The following GABRG3 variants were observed in gnomAD, a reference collection of about 807,000 sequenced individuals.
GABRG3 encodes gamma-aminobutyric acid type A receptor subunit gamma3.
A neutral mutation model predicts 48.8 loss-of-function variants in GABRG3; 25 were observed. The observed-to-expected ratio is 0.51, with a 90% CI of 0.37 to 0.72. The LOEUF (loss-of-function observed/expected upper bound fraction) is 0.72, where lower values mean the gene tolerates loss of function less well. Among genes scored for constraint, GABRG3 ranks in the 30% least tolerant of loss-of-function variants. GABRG3 has a pLI of 0.00. For synonymous variants in GABRG3, 227 were observed against 217.6 expected (o/e 1.04, Z -0.38); for missense variants, 394 against 577.9 (o/e 0.68, Z 3.26).
In GABRG3 at chr15:27,536,133, C is replaced by T. The variant is rs917839542; in HGVS notation, c.*3252C>T. 1.3e-5 allele frequency: 2 copies of T among 152,204 alleles called. No individual in the cohort carries two copies. The highest frequency in any genetic ancestry group is 4.8e-5 in the African/African-American group (2 of 41,462). 9.4% of individuals were successfully genotyped at this position (152,204 alleles called of 1,614,324 possible). On this transcript the variant is annotated 3_prime_UTR_variant, in exon 10 of 10. Transcript: ENST00000615808. Reference sequence around the variant, plus strand: ...TGACCACTGTGGATCACACTTAAAACTGTGACTGTCTGTCTTTTAAGCTGC... The same window carrying T: ...TGACCACTGTGGATCACACTTAAAATTGTGACTGTCTGTCTTTTAAGCTGC...
intron 3 of GABRG3, among the ~76,000 whole-genome samples, chr15:27,048,543 G>T (rs1327443227): frequency 1.3e-5 from 2 of 152,144 alleles, no homozygotes; most frequent in Non-Finnish European, 2.9e-5. Flanking sequence ...GTCCCCCATG[G>T]TCTTATGAAG....
At chr15:27,063,967 A>G (rs1464970168) in intron 3 of GABRG3, among the ~76,000 whole-genome samples, 1 of 152,204 alleles carries the variant, frequency 6.6e-6, no homozygotes, top group African/African-American at 2.4e-5. Context: ...CACACAGTCC[A>G]TCCCTTACTG....
intron 3 of GABRG3, among the ~76,000 whole-genome samples, chr15:27,258,622 T>C (rs932725417): frequency 3.3e-5 from 5 of 152,166 alleles, no homozygotes; most frequent in South Asian, 2.1e-4. Context: ...CTAGTTGACA[T>C]GTAATTACTG....
At chr15:27,029,241 G>A (rs1225968600) in intron 3 of GABRG3, among the ~76,000 whole-genome samples, 1 of 152,192 alleles carries the variant, frequency 6.6e-6, no homozygotes, top group Non-Finnish European at 1.5e-5. Flanking sequence ...GGAAGCAGCT[G>A]GCACGCAGCC....
intron 2 of GABRG3, among the ~76,000 whole-genome samples, chr15:26,998,535 A>G (rs1895382911): frequency 6.6e-6 from 1 of 152,116 alleles, no homozygotes; most frequent in African/African-American, 2.4e-5. Context: ...TCAAGTAAAC[A>G]AGGTGAGAGC....
chr15:27,304,679 A>T (rs150515681), intron 3 of GABRG3, among the ~76,000 whole-genome samples: 47 of 152,084 alleles, frequency 3.1e-4, no homozygotes, highest in African/African-American at 1.0e-3. Context: ...TTTCTCTTAC[A>T]TGGGCCTCAG....
intron 3 of GABRG3, among the ~76,000 whole-genome samples, chr15:27,157,191 C>A (rs763385616): frequency 2.0e-5 from 3 of 152,112 alleles, no homozygotes; most frequent in Non-Finnish European, 2.9e-5. Context: ...AGATTGGGAA[C>A]TTATATTTGG....
At chr15:27,446,667 A>C (rs1291750174) in intron 5 of GABRG3, among the ~76,000 whole-genome samples, 1 of 151,836 alleles carries the variant, frequency 6.6e-6, no homozygotes, top group African/African-American at 2.4e-5. Flanking sequence ...TGTTTTCTTA[A>C]TTTTATTTTT....
chr15:27,409,241 T>G (rs1887727329), intron 5 of GABRG3, among the ~76,000 whole-genome samples: 1 of 152,220 alleles, frequency 6.6e-6, no homozygotes, highest in South Asian at 2.1e-4. Context: ...TAGTTTTATA[T>G]TTAAATCTAT....
chr15:27,498,530 C>G (rs554948181), intron 6 of GABRG3, among the ~76,000 whole-genome samples: 148 of 151,924 alleles, frequency 9.7e-4, no homozygotes, highest in African/African-American at 3.4e-3. Context: ...AAGTTCCATT[C>G]TGTCTCCCAG....
intron 3 of GABRG3, among the ~76,000 whole-genome samples, chr15:27,284,710 C>T (rs914489652): frequency 2.0e-5 from 3 of 152,168 alleles, no homozygotes; most frequent in African/African-American, 4.8e-5. Flanking sequence ...TAACTTATTA[C>T]TGGCCTATAA....
intron 6 of GABRG3, among the ~76,000 whole-genome samples, chr15:27,500,841 TA>T (rs56087210): frequency 0.029 from 4,303 of 148,526 alleles, 194 homozygotes; most frequent in African/African-American, 0.097. Flanking sequence ...TATTTGCTGT[TA>T]AAAAAAAAAA....
chr15:27,186,937 T>A (rs959024084), intron 3 of GABRG3, among the ~76,000 whole-genome samples: 1 of 152,178 alleles, frequency 6.6e-6, no homozygotes, highest in Non-Finnish European at 1.5e-5. Context: ...GTTTCACTTG[T>A]CAATTTTATT....
At chr15:27,231,008 AATGTGTGT>A (rs1889778324) in intron 3 of GABRG3, among the ~76,000 whole-genome samples, 1 of 120,464 alleles carries the variant, frequency 8.3e-6, no homozygotes, top group South Asian at 2.8e-4. Context: ...AAAACAGTAA[AATGTGTGT>A]GTGTGTGTGT....
intron 2 of GABRG3, among the ~76,000 whole-genome samples, chr15:26,988,894 G>C (rs999739547): frequency 6.6e-6 from 1 of 152,084 alleles, no homozygotes; most frequent in Non-Finnish European, 1.5e-5. Context: ...TATTTTGCCT[G>C]TGTGAAAACA....
At chr15:27,442,669 G>A (rs1004150841) in intron 5 of GABRG3, among the ~76,000 whole-genome samples, 7 of 152,176 alleles carry the variant, frequency 4.6e-5, no homozygotes, top group African/African-American at 9.7e-5. Flanking sequence ...ATATTCTGCC[G>A]TGTCTTCTAG....
At chr15:27,332,286 C>T (rs373930818) in intron 5 of GABRG3, among the ~76,000 whole-genome samples, 4 of 152,224 alleles carry the variant, frequency 2.6e-5, no homozygotes, top group African/African-American at 4.8e-5. Context: ...GAGGCCGAGG[C>T]GAGCAGATCA....
intron 6 of GABRG3, among the ~76,000 whole-genome samples, chr15:27,519,703 G>A (rs1891113363): frequency 6.6e-6 from 1 of 152,140 alleles, no homozygotes; most frequent in East Asian, 1.9e-4. Flanking sequence ...GCCTGTCGTG[G>A]AAGAGATCTG....
At chr15:27,398,696 A>G (rs1595729068) in intron 5 of GABRG3, among the ~76,000 whole-genome samples, 1 of 151,604 alleles carries the variant, frequency 6.6e-6, no homozygotes, top group Non-Finnish European at 1.5e-5. Flanking sequence ...ACACCCCTCT[A>G]TTATAGGACA....
Sources: allele counts gnomAD v4.1 joint callset (sites outside exome capture counted in the v4.1 genomes callset), GRCh38; gene constraint gnomAD v4.1.1; transcripts MANE v1.5; gene names NCBI Gene and HGNC (gene_info 2026-07-23, HGNC 2026-07-21).